The following DAB1 variants were observed in gnomAD, a reference collection of about 807,000 sequenced individuals.
DAB1 encodes DAB adaptor protein 1.
In DAB1, 15 loss-of-function variants were observed where a neutral mutation model predicts 64.6. The observed-to-expected ratio is 0.23, with a 90% confidence interval of 0.16 to 0.36. The LOEUF is 0.36. Among genes scored for constraint, DAB1 ranks in the 10% least tolerant of loss-of-function variants. The pLI is 1.00. For missense variants in DAB1, 596 were observed against 706.7 expected (o/e 0.84, Z 1.78); for synonymous variants, 235 against 251.9 (o/e 0.93, Z 0.64).
chr1:57,053,666 G>GTATATATATATATA (rs71051215), intron 9 of DAB1, among the ~76,000 whole-genome samples: 8 of 99,160 alleles, frequency 8.1e-5, no homozygotes, highest in African/African-American at 3.0e-4. Flanking sequence ...CTCTCTATAT[G>GTATATATATATATA]TATATATATA....
chr1:58,186,781 C>T (rs147295941), intron 4 of DAB1, among the ~76,000 whole-genome samples: 266 of 152,254 alleles, frequency 1.7e-3, no homozygotes, highest in African/African-American at 6.2e-3. Context: ...CTTTGGTTGA[C>T]GGAATTGGGC....
In DAB1 at chr1:57,136,647, G is replaced by T; in HGVS notation, c.208-6C>A. On this transcript the variant is annotated splice_polypyrimidine_tract_variant and splice_region_variant and intron_variant, in intron 3 of 14. Transcript: ENST00000371236. Reference sequence around the variant, plus strand: ...CGAGCGCCAGCAACAACGCCCTGTTGAAAGGAAGAACATGGTTTTTACTTA... The same window carrying T: ...CGAGCGCCAGCAACAACGCCCTGTTTAAAGGAAGAACATGGTTTTTACTTA... The T allele has an allele frequency of 6.6e-7, 1 of 1,510,052 alleles. No homozygotes were observed. The highest frequency in any genetic ancestry group is 9.0e-7 in the Non-Finnish European group (1 of 1,112,370). 93.5% of individuals were successfully genotyped at this position (1,510,052 alleles called of 1,614,324 possible). A position where few individuals can be genotyped will look rare whatever the true frequency, so the allele number is the denominator to read the frequency against.
chr1:57,249,434 A>T (rs891350196), intron 2 of DAB1, among the ~76,000 whole-genome samples: 2 of 152,146 alleles, frequency 1.3e-5, no homozygotes, highest in African/African-American at 4.8e-5. Flanking sequence ...GCAGTGGCAT[A>T]AACAAGAGTT....
At chr1:58,054,299 G>A (rs1470008934) in intron 5 of DAB1, among the ~76,000 whole-genome samples, 1 of 152,186 alleles carries the variant, frequency 6.6e-6, no homozygotes, top group Non-Finnish European at 1.5e-5. Context: ...ATGGCTTAAA[G>A]ACTACCAGTG....
chr1:57,544,501 T>C (rs2793641), intron 7 of DAB1, among the ~76,000 whole-genome samples: 141,178 of 152,238 alleles, frequency 0.93, 66,377 homozygotes, highest in East Asian at 1. Context: ...TAGATTATTG[T>C]AGTCACTTCC....
In DAB1 at chr1:57,796,145, G is replaced by A. The variant is rs78779268; in HGVS notation, n.551+87854C>T. On this transcript the variant is annotated intron_variant and non_coding_transcript_variant, in intron 6 of 20. Coordinates refer to the DAB1 transcript ENST00000485760. Reference sequence around the variant, plus strand: ...AGTTGGCAGGAAAAATAAAATCTAAGTGAAACTAAATGTTCAATTCACTTT... The same window carrying A: ...AGTTGGCAGGAAAAATAAAATCTAAATGAAACTAAATGTTCAATTCACTTT... Among the ~76,000 whole-genome samples the A allele has an allele frequency of 2.7e-3, 411 of 152,184 alleles. 2 individuals carry two copies. Among genetic ancestry groups the A allele is most frequent in the African/African-American group, 9.6e-3 (399 of 41,520 alleles).
chr1:57,825,598 T>C (rs1458063531), downstream of DAB1, among the ~76,000 whole-genome samples: 1 of 152,184 alleles, frequency 6.6e-6, no homozygotes, highest in Non-Finnish European at 1.5e-5. Context: ...AGGGCAGAAA[T>C]TGGACTGAAG....
At chr1:57,767,408 T>A (rs575617833) in intron 6 of DAB1, among the ~76,000 whole-genome samples, 1 of 152,314 alleles carries the variant, frequency 6.6e-6, no homozygotes, top group East Asian at 1.9e-4. Context: ...GTATTTCTTA[T>A]GCTACACTGC....
At chr1:57,017,916 C>G (rs1051730577) in intron 11 of DAB1, among the ~76,000 whole-genome samples, 2 of 152,046 alleles carry the variant, frequency 1.3e-5, no homozygotes, top group Admixed American at 1.3e-4. Flanking sequence ...GCTACTGCCC[C>G]CTAGGGGTGG....
intron 4 of DAB1, among the ~76,000 whole-genome samples, chr1:57,090,071 A>G (rs1317290640): frequency 6.6e-6 from 1 of 152,210 alleles, no homozygotes; most frequent in Non-Finnish European, 1.5e-5. Context: ...TTGGCTTGAA[A>G]CTGCTGCAAT....
intron 6 of DAB1, among the ~76,000 whole-genome samples, chr1:57,653,808 C>T (rs960137516): frequency 3.9e-5 from 6 of 152,168 alleles, no homozygotes; most frequent in Middle Eastern, 3.4e-3. Flanking sequence ...AGACGGGGTT[C>T]GCCATGTTGG....
chr1:58,320,250 G>C (rs1235061415), intron 4 of DAB1, among the ~76,000 whole-genome samples: 1 of 152,198 alleles, frequency 6.6e-6, no homozygotes, highest in African/African-American at 2.4e-5. Context: ...TGTGGGCAGT[G>C]ACACAAATTG....
In DAB1 at chr1:57,433,734, A is replaced by G. The variant is rs544408531; in HGVS notation, n.626-142568T>C. Among the ~76,000 whole-genome samples the G allele has an allele frequency of 4.6e-5, 7 of 152,192 alleles. No homozygotes were observed. In the South Asian group the frequency reaches 1.5e-3, roughly 32 times the overall value. ...ATGGTAAACCACAAACTTGGGGAAAATATTCACAACACATATATCTGACAA... is the reference window on the plus strand; with the variant it reads ...ATGGTAAACCACAAACTTGGGGAAAGTATTCACAACACATATATCTGACAA... On this transcript the variant is annotated intron_variant and non_coding_transcript_variant, in intron 7 of 20. Transcript: ENST00000485760.
chr1:57,165,326 A>G (rs993322828), intron 2 of DAB1, among the ~76,000 whole-genome samples: 2 of 152,308 alleles, frequency 1.3e-5, no homozygotes, highest in Middle Eastern at 3.4e-3. Flanking sequence ...CCTCCCTTCC[A>G]AAGAGCTCAA....
chr1:57,719,722 C>A (rs1570766210), intron 6 of DAB1, among the ~76,000 whole-genome samples: 1 of 152,358 alleles, frequency 6.6e-6, no homozygotes, highest in Non-Finnish European at 1.5e-5. Flanking sequence ...CCATGTGGAA[C>A]TGTGAGTCAA....
At chr1:57,057,606 T>C (rs1649904577) in intron 9 of DAB1, among the ~76,000 whole-genome samples, 2 of 134,536 alleles carry the variant, frequency 1.5e-5, no homozygotes, top group Non-Finnish European at 3.1e-5. Context: ...ACTACACTGA[T>C]TCTTTTTTTT....
chr1:58,221,899 C>T (rs552122997), intron 4 of DAB1, among the ~76,000 whole-genome samples: 1 of 152,312 alleles, frequency 6.6e-6, no homozygotes, highest in South Asian at 2.1e-4. Context: ...CTGGCAGGTT[C>T]CATAGTCCTA....
chr1:57,515,744 C>T (rs1208266987), intron 7 of DAB1, among the ~76,000 whole-genome samples: 1 of 152,252 alleles, frequency 6.6e-6, no homozygotes, highest in Non-Finnish European at 1.5e-5. Flanking sequence ...GATCATCTTT[C>T]TTGTGCCAAG....
chr1:57,655,203 C>T (rs1007291090), intron 6 of DAB1, among the ~76,000 whole-genome samples: 7 of 152,238 alleles, frequency 4.6e-5, no homozygotes, highest in Admixed American at 3.3e-4. Context: ...ACTATCCATA[C>T]ATCCATCAAC....
Sources: gnomAD v4.1 joint callset for allele counts (sites outside exome capture counted in the v4.1 genomes callset) on GRCh38, gnomAD v4.1.1 for gene constraint, MANE v1.5 for transcripts, NCBI Gene and HGNC (gene_info 2026-07-23, HGNC 2026-07-21) for gene names.